Variants in CSMD2 observed in about 807,000 individuals in gnomAD.
The protein encoded by CSMD2 is CUB and Sushi multiple domains 2.
In CSMD2, 130 loss-of-function variants were observed where a neutral mutation model predicts 398.5. That is an observed-to-expected ratio of 0.33 (90% CI 0.28 to 0.38). The LOEUF is 0.38. Among genes scored for constraint, CSMD2 ranks in the 10% least tolerant of loss-of-function variants. The pLI is 1.00. For missense variants in CSMD2, 3,829 were observed against 4,764.9 expected (o/e 0.80, Z 5.78); for synonymous variants, 1,828 against 1,908.5 (o/e 0.96, Z 1.10).
intron 2 of CSMD2, among the ~76,000 whole-genome samples, chr1:34,082,828 G>A (rs1027017127): frequency 4.6e-5 from 7 of 152,024 alleles, no homozygotes; most frequent in Non-Finnish European, 1.0e-4. Flanking sequence ...ATGGATTAAG[G>A]GCGGTGCAAG....
intron 13 of CSMD2, among the ~76,000 whole-genome samples, chr1:33,768,340 C>T (rs1297986490): frequency 3.3e-5 from 5 of 151,960 alleles, no homozygotes; most frequent in South Asian, 2.1e-4. Flanking sequence ...GTGTGTGGGG[C>T]GGGTGCTACT....
At chr1:33,673,325 A>G (rs978894791) in intron 25 of CSMD2, among the ~76,000 whole-genome samples, 11 of 152,250 alleles carry the variant, frequency 7.2e-5, no homozygotes, top group Non-Finnish European at 1.3e-4. Flanking sequence ...CACAAGCCTC[A>G]GTAGCTGATG....
chr1:33,579,867 T>C (rs905059634), intron 48 of CSMD2, among the ~76,000 whole-genome samples: 6 of 152,022 alleles, frequency 3.9e-5, no homozygotes. Context: ...TTAGTAGAGA[T>C]GGGGTTTCAC....
chr1:33,623,362 C>T lies in CSMD2; in HGVS notation c.5722+8G>A, dbSNP rs1641897107. The T allele has an allele frequency of 1.2e-6, 2 of 1,612,238 alleles. No homozygotes were observed. Among genetic ancestry groups the T allele is most frequent in the Non-Finnish European group, 1.7e-6 (2 of 1,178,356 alleles). ...CTCCAAATTGAAGCCCCTGGAAACCCAGCTTACCTGAGAAACTCCCCAGCA... is the reference window on the plus strand; with the variant it reads ...CTCCAAATTGAAGCCCCTGGAAACCTAGCTTACCTGAGAAACTCCCCAGCA... On this transcript the variant is annotated splice_region_variant and intron_variant, in intron 36 of 70. Transcript: ENST00000373381.
intron 15 of CSMD2, among the ~76,000 whole-genome samples, chr1:33,736,702 CA>C (rs1353093545): frequency 2.6e-5 from 4 of 152,170 alleles, no homozygotes; most frequent in African/African-American, 9.7e-5. Flanking sequence ...CCTGCAGGCT[CA>C]GGGGCAATGG....
intron 21 of CSMD2, 105 bp downstream of exon 21, chr1:33,714,482 C>T (rs1255398542): frequency 3.7e-6 from 5 of 1,355,788 alleles, no homozygotes; most frequent in Non-Finnish European, 5.1e-6. Context: ...TAAGTGTGGG[C>T]TAAGTCAGCC....
At chr1:34,027,968 T>C (rs74070245) in intron 3 of CSMD2, among the ~76,000 whole-genome samples, 1,894 of 152,266 alleles carry the variant, frequency 0.012, 42 homozygotes, top group African/African-American at 0.042. Flanking sequence ...TTTCAGACTC[T>C]TTGCTGAAAA....
intron 1 of CSMD2, among the ~76,000 whole-genome samples, chr1:34,136,004 G>T (rs1638717476): frequency 6.6e-6 from 1 of 152,000 alleles, no homozygotes. Context: ...TTAAAAAGTA[G>T]TTATAACTAA....
intron 60 of CSMD2, among the ~76,000 whole-genome samples, chr1:33,539,572 T>C (rs1656138352): frequency 6.6e-6 from 1 of 152,234 alleles, no homozygotes; most frequent in Non-Finnish European, 1.5e-5. Context: ...AAATGCACAG[T>C]GATTCACACG....
chr1:33,521,663 A>G (rs1654310069), intron 67 of CSMD2, 113 bp from the exon 68 acceptor site: 13 of 766,920 alleles, frequency 1.7e-5, no homozygotes, highest in Non-Finnish European at 3.0e-5. Context: ...CTGCTCTGAC[A>G]CACAGGGTTT....
At chr1:34,120,192 T>C (rs1571182803) in intron 1 of CSMD2, among the ~76,000 whole-genome samples, 1 of 152,306 alleles carries the variant, frequency 6.6e-6, no homozygotes, top group African/African-American at 2.4e-5. Flanking sequence ...ATTAAACCTA[T>C]AAATAAGTCA....
At chr1:33,803,179 C>T (rs1655814826) in intron 10 of CSMD2, among the ~76,000 whole-genome samples, 1 of 152,190 alleles carries the variant, frequency 6.6e-6, no homozygotes. Flanking sequence ...TCAGATTGCT[C>T]CTTCTCTGTT....
intron 53 of CSMD2, among the ~76,000 whole-genome samples, chr1:33,561,949 A>AAG (rs1658594694): frequency 6.6e-6 from 1 of 152,154 alleles, no homozygotes; most frequent in African/African-American, 2.4e-5. Flanking sequence ...CACTCATATA[A>AAG]AGAGAGAGAA....
intron 1 of CSMD2, among the ~76,000 whole-genome samples, chr1:34,125,507 CTGTGTGTGTGTG>C (rs35436778): frequency 7.2e-4 from 101 of 141,110 alleles, no homozygotes; most frequent in African/African-American, 1.6e-3. Context: ...TCAACCTTGG[CTGTGTGTGTGTG>C]TGTGTGTGTG....
At chr1:33,573,773 G>A (rs1659818433) in intron 49 of CSMD2, among the ~76,000 whole-genome samples, 1 of 152,158 alleles carries the variant, frequency 6.6e-6, no homozygotes, top group Non-Finnish European at 1.5e-5. Context: ...ATTTCTCAGA[G>A]CTGAAGAGAG....
intron 1 of CSMD2, among the ~76,000 whole-genome samples, chr1:34,116,155 G>A (rs1317405310): frequency 1.3e-5 from 2 of 151,994 alleles, no homozygotes; most frequent in African/African-American, 2.4e-5. Context: ...AAGACATAAA[G>A]TAGTTAAACT....
chr1:33,798,902 C>A (rs1655269603), intron 10 of CSMD2, among the ~76,000 whole-genome samples: 1 of 152,180 alleles, frequency 6.6e-6, no homozygotes, highest in African/African-American at 2.4e-5. Context: ...GTGCCCAAAG[C>A]CTGCACAAGC....
Position 33,567,612 on chromosome 1 carries a change from G to C in CSMD2, c.8361C>G (p.Gly2787=). The change falls in exon 53 of 71, where the codon GGC becomes GGG. Residue 2787 remains glycine, a synonymous_variant. Coordinates refer to ENST00000373381, the MANE Select transcript of CSMD2 (RefSeq NM_001281956.2). ...ACTTACGCACACAGAAAGGGGTCTT[G>C]CCCGACCAGTGATGATCCTGCTGGC... ...RICQQDHHWS[G]KTPFCVPITC... The C allele has an allele frequency of 1.2e-6, 2 of 1,614,122 alleles. No homozygotes were observed. The highest frequency in any genetic ancestry group is 1.7e-6 in the Non-Finnish European group (2 of 1,180,002).
chr1:33,622,098 T>C lies in CSMD2; in HGVS notation c.5827+69A>G, dbSNP rs183134100. Reference sequence around the variant, plus strand: ...TATGCAGCTCCAGTTTAATCCTTGCTCAGAAGGGGCTCAGCAACTTTTAGG... The same window carrying C: ...TATGCAGCTCCAGTTTAATCCTTGCCCAGAAGGGGCTCAGCAACTTTTAGG... On this transcript the variant is annotated intron_variant, in intron 37 of 70. Transcript: ENST00000373381. The C allele has an allele frequency of 3.1e-5, 36 of 1,152,788 alleles. No homozygotes were observed. In the African/African-American group the frequency reaches 4.4e-4, roughly 14 times the overall value. 71.4% of individuals were successfully genotyped at this position (1,152,788 alleles called of 1,614,324 possible).
Sources: allele counts gnomAD v4.1 joint callset (sites outside exome capture counted in the v4.1 genomes callset), GRCh38; gene constraint gnomAD v4.1.1; transcripts MANE v1.5; gene names NCBI Gene and HGNC (gene_info 2026-07-23, HGNC 2026-07-21).